The following PLPPR3 variants were observed in gnomAD, a reference collection of about 807,000 sequenced individuals.
PLPPR3 encodes the protein phospholipid phosphatase related 3.
Under a neutral mutation model 27.3 loss-of-function variants are expected in PLPPR3, and 14 were observed. The observed-to-expected ratio is 0.51, with a 90% CI of 0.34 to 0.80. The LOEUF is 0.80. PLPPR3 is among the 30% of genes least tolerant of loss of function. The pLI, the probability that PLPPR3 is intolerant of heterozygous loss-of-function variation, is 0.01. For synonymous variants in PLPPR3, 671 were observed against 508.0 expected (o/e 1.32, Z -4.32); for missense variants, 1,287 against 1,056.9 (o/e 1.22, Z -3.02).
intron 7 of PLPPR3, among the ~76,000 whole-genome samples, 180 bp from the exon 8 acceptor site, chr19:814,075 G>C (rs1052164517): frequency 6.6e-6 from 1 of 152,108 alleles, no homozygotes; most frequent in East Asian, 1.9e-4. Flanking sequence ...CTGAGCCCAC[G>C]GGATTCTGAC....
rs764307296 is a variant in PLPPR3, at chr19:812,625, T to C, written c.2102A>G (p.Glu701Gly). The change falls in exon 8 of 8, where the codon GAG (glutamate) becomes GGG (glycine). Residue 701 changes from glutamate (E) to glycine (G), a missense_variant. Physicochemically the swap from Glu to Gly is moderately conservative, Grantham distance 98. Transcript: ENST00000520876. ...GCGGAAGTAGCCCTCGGCCTCCGCCTCCGCCTCGCGCTCCGCCAGCCCCAG... is the reference window on the plus strand; with the variant it reads ...GCGGAAGTAGCCCTCGGCCTCCGCCCCCGCCTCGCGCTCCGCCAGCCCCAG... Reference protein sequence around the residue: ...GGLGLAEREAEAEAEGYFRKM... With the variant: ...GGLGLAEREAGAEAEGYFRKM... 3.6e-6 allele frequency: 4 copies of C among 1,101,216 alleles called. No homozygotes were observed. The highest frequency in any genetic ancestry group is 2.1e-5 in the South Asian group (1 of 47,944). The allele number at this position is 1,101,216 out of a possible 1,614,324, so 68.2% of individuals were successfully genotyped here. A position where few individuals can be genotyped will look rare whatever the true frequency, so the allele number is the denominator to read the frequency against.
At chr19:821,686 G>A in intron 1 of PLPPR3, 101 bp from the exon 2 acceptor site, 1 of 567,098 alleles carries the variant, frequency 1.8e-6, no homozygotes, top group South Asian at 3.3e-5. Flanking sequence ...GGGAAACTGA[G>A]GCTGCAGAGA....
chr19:817,530 T>C (rs1326099378), intron 2 of PLPPR3, among the ~76,000 whole-genome samples: 2 of 152,216 alleles, frequency 1.3e-5, no homozygotes, highest in East Asian at 3.8e-4. Flanking sequence ...TGCCTCGGCC[T>C]CCTGAAGTGC....
At position 813,220 on chromosome 19, in the gene PLPPR3, T is replaced by C. The variant is rs351994; in HGVS notation, c.1507A>G (p.Thr503Ala). ...LVHIPEEGAQ[T>A]GAGLSPKSGA... ...CTTTTGGGGGACAGGCCGGCCCCCG[T>C]CTGCGCGCCCTCCTCCGGGATGTGC... The change falls in exon 8 of 8, where the codon ACG (threonine) becomes GCG (alanine). Residue 503 changes from threonine to alanine, a missense_variant. Physicochemically the swap from Thr to Ala is moderately conservative, Grantham distance 58. Coordinates refer to ENST00000520876, the MANE Select transcript of PLPPR3 (RefSeq NM_001270366.2). The surrounding 1 kb of genome is among the most constrained non-coding windows in gnomAD (Gnocchi z 4.1). 0.18 allele frequency: 271,903 copies of C among 1,483,884 alleles called. 32,640 individuals are homozygous for C. The highest frequency in any genetic ancestry group is 0.61 in the African/African-American group (41,113 of 67,230). The allele number at this position is 1,483,884 out of a possible 1,614,324, so 91.9% of individuals were successfully genotyped here.
intron 2 of PLPPR3, among the ~76,000 whole-genome samples, chr19:818,376 C>T (rs939709632): frequency 2.0e-5 from 3 of 151,662 alleles, no homozygotes; most frequent in Non-Finnish European, 4.4e-5. Context: ...CAGCAGGACT[C>T]CATCTCAAAA....
intron 2 of PLPPR3, among the ~76,000 whole-genome samples, chr19:817,745 G>A (rs2035083169): frequency 6.6e-6 from 1 of 152,168 alleles, no homozygotes; most frequent in African/African-American, 2.4e-5. Context: ...TGTCCAGTGA[G>A]CATTCATTGA....
rs1168588673 is a variant in PLPPR3 at position 819,179 on chromosome 19, A to G, written c.75+2306T>C. On this transcript the variant is annotated intron_variant, in intron 2 of 7. Coordinates refer to ENST00000520876, the MANE Select transcript of PLPPR3 (RefSeq NM_001270366.2). ...TTTAGTAGAGGTGTGGTTTCACCAC[A>G]TTGGCCAGACTGGTCTCAAACTCCT... 2.4e-4 allele frequency among the ~76,000 whole-genome samples: 24 copies of G among 99,120 alleles called. 2 individuals carry two copies. Among genetic ancestry groups the G allele is most frequent in the Non-Finnish European group, 4.4e-4 (23 of 52,046 alleles). The allele number at this position is 99,120 out of a possible 152,430, so 65.0% of individuals were successfully genotyped here.
rs2035096780 is a variant in PLPPR3, at chr19:818,523, A to G, written c.76-2672T>C. ...CAACGCTAGCCTGAGCAACACAGTA[A>G]GACCCTGTCTCTACTAAATACATAC... On this transcript the variant is annotated intron_variant, in intron 2 of 7. Coordinates refer to ENST00000520876, the MANE Select transcript of PLPPR3 (RefSeq NM_001270366.2). Among the ~76,000 whole-genome samples, 3 of 152,136 alleles carry G rather than the reference A, an allele frequency of 2.0e-5. No individual in the cohort carries two copies. In the South Asian group the frequency reaches 6.2e-4, roughly 32 times the overall value.
chr19:820,053 G>T (rs1298947316), intron 2 of PLPPR3, among the ~76,000 whole-genome samples: 1 of 152,070 alleles, frequency 6.6e-6, no homozygotes, highest in Non-Finnish European at 1.5e-5. Context: ...TTGCCATGTT[G>T]CCCAGGCTAG....
At chr19:821,364 T>C (rs1052092544) in intron 2 of PLPPR3, 121 bp downstream of exon 2, 27 of 711,444 alleles carry the variant, frequency 3.8e-5, no homozygotes, top group Non-Finnish European at 5.7e-5. Context: ...ACCCCGGTCC[T>C]GCCCCGCCCC....
In PLPPR3 at chr19:813,017, C is replaced by T. The variant is rs761926301; in HGVS notation, c.1710G>A (p.Arg570=). 2.8e-5 allele frequency: 42 copies of T among 1,519,224 alleles called. 2 individuals carry two copies. The South Asian group carries it at 5.0e-4, about 18-fold the overall frequency. 94.1% of individuals were successfully genotyped at this position (1,519,224 alleles called of 1,614,324 possible). Residue 570 remains arginine (R), a synonymous_variant, in exon 8 of 8, where the codon CGG becomes CGA. Coordinates refer to ENST00000520876, the MANE Select transcript of PLPPR3 (RefSeq NM_001270366.2). This position sits in a 1 kb window ranked among gnomAD's most constrained non-coding sequence, Gnocchi z 4.1. ...TGGCGGAGTCGCGGTCCGACGGCGA[C>T]CGGTACTGCGAGGAGTCGGAGCTGG... The part of the protein sequence containing the change: ...SSASSDSSQY[R]SPSDRDSASI...
chr19:817,365 C>T (rs2083295439), intron 2 of PLPPR3, among the ~76,000 whole-genome samples: 1 of 152,118 alleles, frequency 6.6e-6, no homozygotes. Context: ...ACTCCGCCTC[C>T]AGGTTCAAGA....
chr19:821,122 G>C (rs993510045), intron 2 of PLPPR3, among the ~76,000 whole-genome samples: 5 of 152,176 alleles, frequency 3.3e-5, no homozygotes, highest in African/African-American at 1.2e-4. Flanking sequence ...CAGACCCTGA[G>C]GCTTCGGAGC....
chr19:819,274 G>C (rs1045514403), intron 2 of PLPPR3, among the ~76,000 whole-genome samples: 4 of 45,244 alleles, frequency 8.8e-5, no homozygotes, highest in Admixed American at 2.3e-4. Context: ...ACTGCACCCA[G>C]CCTACTTTTT....
Position 813,347 on chromosome 19 carries a change from G to A in PLPPR3, c.1380C>T (p.Asp460=), listed in dbSNP as rs2034977334. Residue 460 remains aspartate (D), a synonymous_variant, in exon 8 of 8, where the codon GAC becomes GAT. Transcript: ENST00000520876. The surrounding 1 kb of genome is among the most constrained non-coding windows in gnomAD (Gnocchi z 4.1). ...EEEEEEEEEE[D]EGPAPPSLYP... ...AGAGCGAGGGCGGGGCCGGGCCCTC[G>A]TCCTCCTCCTCTTCCTCCTCCTCCT... The A allele has an allele frequency of 2.0e-6, 3 of 1,474,440 alleles. No individual in the cohort carries two copies. The highest frequency in any genetic ancestry group is 1.3e-5 in the South Asian group (1 of 75,044). 91.3% of individuals were successfully genotyped at this position (1,474,440 alleles called of 1,614,324 possible).
chr19:813,292 C>T lies in PLPPR3; in HGVS notation c.1435G>A (p.Gly479Arg), dbSNP rs772784383. Residue 479 changes from glycine to arginine, a missense_variant, in exon 8 of 8, where the codon GGG becomes AGG. Physicochemically the swap from Gly to Arg is moderately radical, Grantham distance 125 (BLOSUM62 -2). Coordinates refer to ENST00000520876, the MANE Select transcript of PLPPR3 (RefSeq NM_001270366.2). The surrounding 1 kb of genome is among the most constrained non-coding windows in gnomAD (Gnocchi z 4.1). ...CGCGGTGGGAGGATGACCCGAGGCC[C>T]CAGCCCCGGCCGCGCCTGCACGGTG... ...YPTVQARPGL[G>R]PRVILPPRAG... The T allele has an allele frequency of 3.0e-5, 44 of 1,465,012 alleles. No individual in the cohort carries two copies. In the South Asian group the frequency reaches 4.4e-4, roughly 15 times the overall value. The allele number at this position is 1,465,012 out of a possible 1,614,324, so 90.8% of individuals were successfully genotyped here.
chr19:813,396 T>C lies in PLPPR3; in HGVS notation c.1331A>G (p.Glu444Gly). 6.7e-7 allele frequency: 1 copy of C among 1,500,846 alleles called. No individual in the cohort carries two copies. The highest frequency in any genetic ancestry group is 2.3e-5 in the Admixed American group (1 of 43,310). The allele number at this position is 1,500,846 out of a possible 1,614,324, so 93.0% of individuals were successfully genotyped here. The change falls in exon 8 of 8, where the codon GAA becomes GGA. Residue 444 changes from glutamate (E) to glycine (G), a missense_variant. Glu to Gly is a moderately conservative substitution (Grantham distance 98). Coordinates refer to ENST00000520876, the MANE Select transcript of PLPPR3 (RefSeq NM_001270366.2). This position sits in a 1 kb window ranked among gnomAD's most constrained non-coding sequence, Gnocchi z 4.1. The stretch of plus-strand genomic sequence containing the variant: ...CTCTTCCTCTTCGTCCTCCTCCTCT[T>C]CCTCCTCCTCCGCCATGGGTTCGGC... ...APAEPMAEEEEEEEDEEEEEE... is the reference protein window; with the variant it reads ...APAEPMAEEEGEEEDEEEEEE...
chr19:812,973 G>C lies in PLPPR3; in HGVS notation c.1754C>G (p.Ala585Gly). The change falls in exon 8 of 8, where the codon GCG (alanine) becomes GGG (glycine). Residue 585 changes from alanine (A) to glycine (G), a missense_variant. Ala to Gly is a moderately conservative substitution (Grantham distance 60, BLOSUM62 0). Coordinates refer to ENST00000520876, the MANE Select transcript of PLPPR3 (RefSeq NM_001270366.2). ...CACCACGGGGTGGTGCGGCGCGTGC[G>C]CGTCGATGGTCACGATGCTGGCGGA... ...RDSASIVTID[A>G]HAPHHPVVHL... 3.4e-6 allele frequency: 5 copies of C among 1,488,186 alleles called. No individual in the cohort carries two copies. The highest frequency in any genetic ancestry group is 4.4e-6 in the Non-Finnish European group (5 of 1,125,480). 92.2% of individuals were successfully genotyped at this position (1,488,186 alleles called of 1,614,324 possible).
At chr19:818,079 G>A (rs1197920860) in intron 2 of PLPPR3, among the ~76,000 whole-genome samples, 1 of 152,106 alleles carries the variant, frequency 6.6e-6, no homozygotes, top group Non-Finnish European at 1.5e-5. Flanking sequence ...CCTGGGCGCG[G>A]CCTTAAAAAT....
Sources: allele counts gnomAD v4.1 joint callset (sites outside exome capture counted in the v4.1 genomes callset), GRCh38; gene constraint gnomAD v4.1.1; non-coding constraint Gnocchi (gnomAD v3.1); transcripts MANE v1.5; gene names NCBI Gene and HGNC (gene_info 2026-07-23, HGNC 2026-07-21).